Variants in NTM observed in about 807,000 individuals in gnomAD.
NTM encodes the protein IgLON family member 2.
A neutral mutation model predicts 42.1 loss-of-function variants in NTM; 13 were observed. That is an observed-to-expected ratio of 0.31 (90% CI 0.20 to 0.49). The LOEUF is 0.49. Among genes scored for constraint, NTM ranks in the 20% least tolerant of loss-of-function variants. NTM has a pLI of 0.99. For synonymous variants in NTM, 187 were observed against 179.2 expected, an observed-to-expected ratio of 1.04 and a Z score of -0.35; for missense variants, 373 against 452.8, an observed-to-expected ratio of 0.82 and a Z score of 1.60.
At chr11:132,121,823 A>C (rs2136935871) in intron 2 of NTM, among the ~76,000 whole-genome samples, 1 of 152,354 alleles carries the variant, frequency 6.6e-6, no homozygotes, top group African/African-American at 2.4e-5. Context: ...TGTTATCATT[A>C]GAGTTCAATT....
chr11:131,969,914 C>G (rs2063320887), intron 2 of NTM, among the ~76,000 whole-genome samples: 1 of 152,214 alleles, frequency 6.6e-6, no homozygotes, highest in Non-Finnish European at 1.5e-5. Flanking sequence ...CGTCCTGACT[C>G]AAGAGATCCT....
chr11:132,271,357 A>G lies in NTM; in HGVS notation c.527-36332A>G, dbSNP rs115534319. Reference sequence around the variant, plus strand: ...TATTGTGAGTAATACTGTTATGAACATTCATGTACAAGTTTTTGTGTAGAC... The same window carrying G: ...TATTGTGAGTAATACTGTTATGAACGTTCATGTACAAGTTTTTGTGTAGAC... On this transcript the variant is annotated intron_variant, in intron 4 of 8. Coordinates refer to ENST00000683400, the MANE Select transcript of NTM (RefSeq NM_001352005.2). Among the ~76,000 whole-genome samples the G allele has an allele frequency of 4.0e-3, 605 of 152,070 alleles. 7 individuals are homozygous for G. Among genetic ancestry groups the G allele is most frequent in the African/African-American group, 0.014 (571 of 41,490 alleles).
At chr11:132,073,837 C>G (rs1482624564) in intron 2 of NTM, among the ~76,000 whole-genome samples, 1 of 152,222 alleles carries the variant, frequency 6.6e-6, no homozygotes, top group Non-Finnish European at 1.5e-5. Flanking sequence ...TAGTTCTATC[C>G]CATTTCTGGC....
At chr11:131,504,768 C>G (rs2047276544) in intron 1 of NTM, among the ~76,000 whole-genome samples, 2 of 152,092 alleles carry the variant, frequency 1.3e-5, no homozygotes, top group South Asian at 4.1e-4. Flanking sequence ...ATTGATTGAT[C>G]TGTAAATTTC....
intron 1 of NTM, among the ~76,000 whole-genome samples, chr11:131,864,358 GC>G (rs2046930605): frequency 6.6e-6 from 1 of 152,198 alleles, no homozygotes; most frequent in African/African-American, 2.4e-5. Flanking sequence ...TTCTCCTGCT[GC>G]TGGAGAGCCT....
Position 131,393,640 on chromosome 11 carries a change from G to A in NTM, c.82+22752G>A, listed in dbSNP as rs191840937. Among the ~76,000 whole-genome samples, 443 of 152,270 alleles carry A rather than the reference G, an allele frequency of 2.9e-3. 2 individuals are homozygous for A. The highest frequency in any genetic ancestry group is 8.9e-3 in the African/African-American group (370 of 41,556). ...CAGGGTGAACAGAGAGGGAGGGCCT[G>A]TACTTCTTCCCAACAGCGCAAAGAC... is the stretch of plus-strand genomic sequence containing the variant. On this transcript the variant is annotated intron_variant, in intron 1 of 8. Coordinates refer to ENST00000683400, the MANE Select transcript of NTM (RefSeq NM_001352005.2).
intron 1 of NTM, among the ~76,000 whole-genome samples, chr11:131,695,613 C>T (rs867934): frequency 0.11 from 17,054 of 152,102 alleles, 3,135 homozygotes; most frequent in African/African-American, 0.38. Context: ...TGTTTTTCTC[C>T]TCCACAAGTG....
At position 132,134,745 on chromosome 11, in the gene NTM, A is replaced by G. The variant is rs1466684441; in HGVS notation, c.168-11537A>G. Among the ~76,000 whole-genome samples the G allele has an allele frequency of 3.2e-4, 37 of 114,118 alleles. 2 individuals carry two copies. Among genetic ancestry groups the G allele is most frequent in the African/African-American group, 9.6e-4 (28 of 29,052 alleles). 74.9% of individuals were successfully genotyped at this position (114,118 alleles called of 152,430 possible). ...TATATATATATATATATATATATAT[A>G]TATATATATATATATCTCACATTTT... On this transcript the variant is annotated intron_variant, in intron 2 of 8. Coordinates refer to ENST00000683400, the MANE Select transcript of NTM (RefSeq NM_001352005.2).
intron 1 of NTM, among the ~76,000 whole-genome samples, chr11:131,670,917 G>A (rs1277966378): frequency 6.6e-6 from 1 of 152,122 alleles, no homozygotes; most frequent in Admixed American, 6.5e-5. Context: ...CTAAAGGCCT[G>A]GGGCCCAGGA....
intron 3 of NTM, among the ~76,000 whole-genome samples, chr11:132,170,578 T>C (rs1164774421): frequency 6.6e-6 from 1 of 152,238 alleles, no homozygotes; most frequent in Non-Finnish European, 1.5e-5. Context: ...TGAATCTTAC[T>C]GTCTATGTAA....
intron 1 of NTM, among the ~76,000 whole-genome samples, chr11:131,466,241 T>C (rs1408601021): frequency 6.6e-6 from 1 of 152,144 alleles, no homozygotes; most frequent in East Asian, 1.9e-4. Context: ...GAGAAGGAGA[T>C]GTTAACCGAG....
chr11:131,418,348 G>A (rs114881516), intron 1 of NTM, among the ~76,000 whole-genome samples: 278 of 152,302 alleles, frequency 1.8e-3, no homozygotes, highest in African/African-American at 6.3e-3. Context: ...CAGCTTTATC[G>A]GCATGTCTGC....
chr11:131,926,472 G>A (rs973401300), intron 2 of NTM, among the ~76,000 whole-genome samples: 15 of 152,184 alleles, frequency 9.9e-5, no homozygotes, highest in South Asian at 6.2e-4. Flanking sequence ...AGGGAATAGC[G>A]TGCTGGGCAG....
intron 3 of NTM, among the ~76,000 whole-genome samples, chr11:132,158,466 A>G (rs891318213): frequency 3.4e-4 from 52 of 152,166 alleles, no homozygotes; most frequent in African/African-American, 1.2e-3. Flanking sequence ...TAACTCACCT[A>G]TTGGCATAAT....
At chr11:131,676,507 G>A (rs2071424672) in intron 1 of NTM, among the ~76,000 whole-genome samples, 1 of 152,176 alleles carries the variant, frequency 6.6e-6, no homozygotes, top group Non-Finnish European at 1.5e-5. Context: ...GCGCATGCAT[G>A]CGTGACTGTG....
At chr11:131,883,974 C>A (rs2049961860) in intron 1 of NTM, among the ~76,000 whole-genome samples, 2 of 152,142 alleles carry the variant, frequency 1.3e-5, no homozygotes, top group African/African-American at 4.8e-5. Context: ...ATGATAGCTA[C>A]AAATAATAAT....
At position 132,282,976 on chromosome 11, in the gene NTM, C is replaced by CTTTTTTT. The variant is rs142817071; in HGVS notation, c.527-24694_527-24688dup. On this transcript the variant is annotated intron_variant, in intron 4 of 8. Transcript: ENST00000683400. The stretch of plus-strand genomic sequence containing the variant: ...AATGAAACGGGAAATTCCTTTATTC[C>CTTTTTTT]TTTTTTTTTTTTTTTTTTTTTTTTT... Among the ~76,000 whole-genome samples, 838 of 108,886 alleles carry CTTTTTTT rather than the reference C, an allele frequency of 7.7e-3. 28 individuals are homozygous for CTTTTTTT. The highest frequency in any genetic ancestry group is 9.6e-3 in the Non-Finnish European group (537 of 55,866). The allele number at this position is 108,886 out of a possible 152,430, so 71.4% of individuals were successfully genotyped here.
intron 1 of NTM, among the ~76,000 whole-genome samples, chr11:131,694,379 A>G (rs1185893464): frequency 1.3e-5 from 2 of 152,216 alleles, no homozygotes; most frequent in Non-Finnish European, 2.9e-5. Context: ...TCTTAGGGCT[A>G]TGGTGATTTT....
intron 3 of NTM, among the ~76,000 whole-genome samples, chr11:132,203,080 C>G (rs536434704): frequency 6.6e-6 from 1 of 152,174 alleles, no homozygotes; most frequent in Admixed American, 6.5e-5. Flanking sequence ...ATGATGGCAG[C>G]AAGCGCATTG....
Sources: gnomAD v4.1 joint callset for allele counts (sites outside exome capture counted in the v4.1 genomes callset) on GRCh38, gnomAD v4.1.1 for gene constraint, MANE v1.5 for transcripts, NCBI Gene and HGNC (gene_info 2026-07-23, HGNC 2026-07-21) for gene names.